RAPGEF4: variants seen among roughly 807,000 people sequenced by gnomAD.
RAPGEF4 encodes the protein RAP guanine-nucleotide-exchange factor (GEF) 4.
A neutral mutation model predicts 147.9 loss-of-function variants in RAPGEF4; 66 were observed. The ratio of observed to expected loss-of-function variants is 0.45; its 90% confidence interval spans 0.37 to 0.55. The LOEUF (loss-of-function observed/expected upper bound fraction) is 0.55, where lower values mean the gene tolerates loss of function less well. RAPGEF4 is among the 20% of genes least tolerant of loss of function. RAPGEF4 has a pLI of 0.00. For missense variants in RAPGEF4, 1,071 were observed against 1,257.3 expected (o/e 0.85, Z 2.24); for synonymous variants, 419 against 442.7 (o/e 0.95, Z 0.67).
At chr2:172,876,073 T>G (rs1326834826) in intron 4 of RAPGEF4, among the ~76,000 whole-genome samples, 1 of 152,186 alleles carries the variant, frequency 6.6e-6, no homozygotes, top group Non-Finnish European at 1.5e-5. Flanking sequence ...TAAGAATGCT[T>G]GTGATTTTTG....
chr2:172,800,322 G>T (rs1295574925), intron 3 of RAPGEF4, among the ~76,000 whole-genome samples: 1 of 152,174 alleles, frequency 6.6e-6, no homozygotes, highest in African/African-American at 2.4e-5. Context: ...CTGAAGGTAG[G>T]ACATGGTCCA....
At chr2:172,849,442 G>T (rs1250458724) in intron 4 of RAPGEF4, among the ~76,000 whole-genome samples, 1 of 152,078 alleles carries the variant, frequency 6.6e-6, no homozygotes, top group Non-Finnish European at 1.5e-5. Flanking sequence ...TTTTTCTCAG[G>T]GATTGTTTGT....
chr2:173,014,670 T>G lies in RAPGEF4; in HGVS notation c.1809+56T>G, dbSNP rs188992080. ...ACTGTTGTCCTGCAATACAGGGACCTACTTATAGGCTCAGCAGCTTCCCTG... is the reference window on the plus strand; with the variant it reads ...ACTGTTGTCCTGCAATACAGGGACCGACTTATAGGCTCAGCAGCTTCCCTG... On this transcript the variant is annotated intron_variant, in intron 18 of 30. Coordinates refer to ENST00000397081, the MANE Select transcript of RAPGEF4 (RefSeq NM_007023.4). The G allele has an allele frequency of 8.4e-4, 1,293 of 1,545,226 alleles. 5 individuals carry two copies. Among genetic ancestry groups the G allele is most frequent in the Middle Eastern group, 5.1e-3 (26 of 5,078 alleles).
intron 6 of RAPGEF4, among the ~76,000 whole-genome samples, chr2:172,950,730 T>G (rs1430135654): frequency 6.6e-6 from 1 of 152,270 alleles, no homozygotes; most frequent in Non-Finnish European, 1.5e-5. Flanking sequence ...GTAAGGTACT[T>G]GAGTATTCCA....
chr2:172,753,423 A>G (rs1164235109), intron 1 of RAPGEF4, among the ~76,000 whole-genome samples: 6 of 151,010 alleles, frequency 4.0e-5, no homozygotes, highest in African/African-American at 1.2e-4. Context: ...ATTTACCTAC[A>G]ATTGATTTTT....
At chr2:173,026,780 A>G in intron 24 of RAPGEF4, 83 bp downstream of exon 24, 7 of 1,520,390 alleles carry the variant, frequency 4.6e-6, no homozygotes, top group East Asian at 2.3e-5. Context: ...AAGTGCTAAT[A>G]TGTGCTACAA....
chr2:172,775,280 G>C (rs1299271475), intron 1 of RAPGEF4, among the ~76,000 whole-genome samples: 1 of 152,200 alleles, frequency 6.6e-6, no homozygotes, highest in Non-Finnish European at 1.5e-5. Context: ...ATTCCTGGCA[G>C]TTATAATTAA....
rs373810141 is a variant in RAPGEF4 at position 172,855,561 on chromosome 2, G to A, written c.444+41136G>A. On this transcript the variant is annotated intron_variant, in intron 4 of 30. Coordinates refer to ENST00000397081, the MANE Select transcript of RAPGEF4 (RefSeq NM_007023.4). Reference sequence around the variant, plus strand: ...TCCTATAGATCTGGCTAACCATCTGGTGTCTTTTACCTTCATTCTGGAGAG... The same window carrying A: ...TCCTATAGATCTGGCTAACCATCTGATGTCTTTTACCTTCATTCTGGAGAG... Among the ~76,000 whole-genome samples the A allele has an allele frequency of 2.0e-5, 3 of 152,062 alleles. No individual in the cohort carries two copies. The East Asian group carries it at 5.8e-4, about 29-fold the overall frequency.
intron 1 of RAPGEF4, among the ~76,000 whole-genome samples, chr2:172,765,337 G>A (rs1696724753): frequency 6.6e-6 from 1 of 152,212 alleles, no homozygotes. Context: ...TGACTTTGGA[G>A]GGTAGGGGTG....
chr2:172,757,370 T>C (rs2113806), intron 1 of RAPGEF4, among the ~76,000 whole-genome samples: 138,887 of 152,206 alleles, frequency 0.91, 64,712 homozygotes, highest in East Asian at 1. Context: ...TCCTGTGTAC[T>C]TCTGTGATTT....
At chr2:172,831,836 C>T (rs1455149753) in intron 4 of RAPGEF4, among the ~76,000 whole-genome samples, 1 of 152,118 alleles carries the variant, frequency 6.6e-6, no homozygotes, top group Non-Finnish European at 1.5e-5. Flanking sequence ...TGTAAATTAC[C>T]TCTACTGATC....
Position 173,020,610 on chromosome 2 carries a change from G to T in RAPGEF4, c.2156-8G>T. On this transcript the variant is annotated splice_polypyrimidine_tract_variant and splice_region_variant and intron_variant, in intron 22 of 30. Transcript: ENST00000397081. ...TAATAGGCAATCTCATGCTTTTTATGTTCACAGAAAAGGTGGTGCTCAAAC... is the reference window on the plus strand; with the variant it reads ...TAATAGGCAATCTCATGCTTTTTATTTTCACAGAAAAGGTGGTGCTCAAAC... 2.5e-6 allele frequency: 4 copies of T among 1,608,922 alleles called. No individual in the cohort carries two copies. The highest frequency in any genetic ancestry group is 3.4e-6 in the Non-Finnish European group (4 of 1,175,560).
intron 26 of RAPGEF4, among the ~76,000 whole-genome samples, chr2:173,032,557 T>G (rs1012880360): frequency 2.0e-5 from 3 of 152,202 alleles, no homozygotes; most frequent in African/African-American, 7.2e-5. Context: ...TCAATGTTTT[T>G]GCATAACTTG....
chr2:172,971,462 A>G (rs371477947), intron 10 of RAPGEF4, among the ~76,000 whole-genome samples: 8 of 152,334 alleles, frequency 5.3e-5, no homozygotes, highest in African/African-American at 1.9e-4. Context: ...AGAGAAATAT[A>G]TGTATATATA....
chr2:173,009,195 T>C (rs966119319), intron 17 of RAPGEF4, among the ~76,000 whole-genome samples: 1 of 152,238 alleles, frequency 6.6e-6, no homozygotes, highest in Non-Finnish European at 1.5e-5. Context: ...ACCTCTGATC[T>C]GTATTTGACA....
chr2:172,922,813 C>G (rs1368289920), intron 6 of RAPGEF4, among the ~76,000 whole-genome samples: 2 of 152,126 alleles, frequency 1.3e-5, no homozygotes, highest in Admixed American at 1.3e-4. Context: ...AGGTTTAGGA[C>G]AAAGATTTCA....
intron 30 of RAPGEF4, 25 bp from the exon 31 acceptor site, chr2:173,051,615 A>G: frequency 1.2e-6 from 2 of 1,610,406 alleles, no homozygotes; most frequent in Non-Finnish European, 1.7e-6. Flanking sequence ...CACAATGCCA[A>G]TTCTGCCCTT....
rs552089864 is a variant in RAPGEF4, at chr2:172,977,152, A to G, written c.1005-6344A>G. On this transcript the variant is annotated intron_variant, in intron 10 of 30. Coordinates refer to ENST00000397081, the MANE Select transcript of RAPGEF4 (RefSeq NM_007023.4). ...TTGTAGGTTACTCTTATGAAGGTGC[A>G]TGGGAGTTCTCTCCTCCTGCTCGGG... Among the ~76,000 whole-genome samples the G allele has an allele frequency of 6.6e-5, 10 of 152,304 alleles. No individual in the cohort carries two copies. The East Asian group carries it at 1.9e-3, about 29-fold the overall frequency.
intron 27 of RAPGEF4, 113 bp from the exon 28 acceptor site, chr2:173,036,012 G>A (rs1683954374): frequency 2.5e-6 from 2 of 791,268 alleles, no homozygotes; most frequent in African/African-American, 3.4e-5. Context: ...AACCTGTGTT[G>A]TTCAAAGGTC....
Sources: gnomAD v4.1 joint callset for allele counts (sites outside exome capture counted in the v4.1 genomes callset) on GRCh38, gnomAD v4.1.1 for gene constraint, MANE v1.5 for transcripts, NCBI Gene and HGNC (gene_info 2026-07-23, HGNC 2026-07-21) for gene names.